Variants in PEG3 observed in about 807,000 individuals in gnomAD.
PEG3 encodes paternally expressed 3.
PEG3 carries 23 observed loss-of-function variants against 35.5 expected under a neutral mutation model. The ratio of observed to expected loss-of-function variants is 0.65; its 90% CI spans 0.47 to 0.92. The LOEUF is 0.92. Ranked by LOEUF, PEG3 falls within the 40% of genes least tolerant of loss-of-function variation. The pLI is 0.00. For synonymous variants in PEG3, 707 were observed against 697.0 expected (o/e 1.01, Z -0.23); for missense variants, 1,960 against 1,985.3 (o/e 0.99, Z 0.24).
At position 56,824,323 on chromosome 19, in the gene PEG3, C is replaced by T. The variant is rs372112008; in HGVS notation, c.333G>A (p.Pro111=). Residue 111 remains proline, a synonymous_variant, in exon 4 of 10, where the codon CCG becomes CCA. Transcript: ENST00000326441. The part of the protein sequence containing the change: ...KLKPWVRAKK[P]ENCEKLVTLL... ...GAGTGACGAGCTTCTCACAGTTCTC[C>T]GGCTTTTTTGCTCGCACCCAAGGCT... 8.6e-5 allele frequency: 138 copies of T among 1,613,928 alleles called. 1 individual carries two copies. Among genetic ancestry groups the T allele is most frequent in the East Asian group, 6.9e-4 (31 of 44,866 alleles).
At chr19:56,818,979 T>C (rs2060229975) in intron 7 of PEG3, among the ~76,000 whole-genome samples, 1 of 152,108 alleles carries the variant, frequency 6.6e-6, no homozygotes, top group Non-Finnish European at 1.5e-5. Context: ...ATGAAACAAT[T>C]AGAGAACAAT....
intron 7 of PEG3, among the ~76,000 whole-genome samples, chr19:56,821,248 C>T (rs1438020957): frequency 1.3e-5 from 2 of 152,248 alleles, no homozygotes; most frequent in Admixed American, 6.5e-5. Flanking sequence ...CAGAGCCAGG[C>T]TTTAAACCCA....
chr19:56,832,355 C>T (rs1279303862), intron 2 of PEG3, among the ~76,000 whole-genome samples: 1 of 152,080 alleles, frequency 6.6e-6, no homozygotes, highest in Non-Finnish European at 1.5e-5. Context: ...CCATCTGTAC[C>T]TCCCCTCTCC....
At chr19:56,823,770 G>T in intron 4 of PEG3, 91 bp from the exon 5 acceptor site, 2 of 1,426,726 alleles carry the variant, frequency 1.4e-6, no homozygotes, top group South Asian at 1.2e-5. Context: ...CCCTGTCACA[G>T]ACACACATGG....
At chr19:56,835,976 C>A (rs2062060531) in intron 2 of PEG3, 42 bp downstream of exon 2, 3 of 500,648 alleles carry the variant, frequency 6.0e-6, no homozygotes, top group South Asian at 2.9e-5. Flanking sequence ...GGTGGTCACT[C>A]CAAAGATGAA....
At chr19:56,832,809 C>T (rs2061699777) in intron 2 of PEG3, among the ~76,000 whole-genome samples, 2 of 152,198 alleles carry the variant, frequency 1.3e-5, no homozygotes, top group Non-Finnish European at 2.9e-5. Context: ...AAACATGAAA[C>T]CTCTCTGTAT....
rs1425112621 is a variant in PEG3, at chr19:56,811,440, C to A, written c.*2235G>T. On this transcript the variant is annotated 3_prime_UTR_variant, in exon 10 of 10. Coordinates refer to ENST00000326441, the MANE Select transcript of PEG3 (RefSeq NM_006210.3). ...CTGTAAATATATTTCCACGTTGCTA[C>A]ATAACTCGTGATTATCATTTTTAAA... 3.2e-6 allele frequency: 3 copies of A among 933,688 alleles called. No individual in the cohort carries two copies. The highest frequency in any genetic ancestry group is 3.8e-6 in the Non-Finnish European group (3 of 782,792). 57.8% of individuals were successfully genotyped at this position (933,688 alleles called of 1,614,324 possible).
chr19:56,812,013 C>G lies in PEG3; in HGVS notation c.*1662G>C. On this transcript the variant is annotated 3_prime_UTR_variant, in exon 10 of 10. Transcript: ENST00000326441. Reference sequence around the variant, plus strand: ...TGCATCTTTGACATACTTCCAAGCCCTAATCCTGCAGATCCAGAAGAGTAA... The same window carrying G: ...TGCATCTTTGACATACTTCCAAGCCGTAATCCTGCAGATCCAGAAGAGTAA... 1.0e-6 allele frequency: 1 copy of G among 985,086 alleles called. No homozygotes were observed. The highest frequency in any genetic ancestry group is 1.2e-6 in the Non-Finnish European group (1 of 829,648). 61.0% of individuals were successfully genotyped at this position (985,086 alleles called of 1,614,324 possible).
intron 2 of PEG3, among the ~76,000 whole-genome samples, chr19:56,830,633 T>G (rs1463368180): frequency 6.6e-6 from 1 of 152,232 alleles, no homozygotes; most frequent in Non-Finnish European, 1.5e-5. Context: ...GGGCAAGCAT[T>G]ATTTTGAACT....
chr19:56,819,308 C>G (rs961907401), intron 7 of PEG3, among the ~76,000 whole-genome samples: 5 of 152,186 alleles, frequency 3.3e-5, no homozygotes, highest in African/African-American at 1.2e-4. Context: ...TGCACAATTT[C>G]CAAATCACCC....
chr19:56,826,939 G>A (rs1393379006), intron 2 of PEG3, among the ~76,000 whole-genome samples: 2 of 152,068 alleles, frequency 1.3e-5, no homozygotes, highest in Non-Finnish European at 2.9e-5. Context: ...AAGTACCCTA[G>A]GTGAAAGCTA....
chr19:56,836,163 A>AG (rs1473505172), intron 1 of PEG3, 59 bp from the exon 2 acceptor site: 5 of 434,616 alleles, frequency 1.2e-5, no homozygotes, highest in South Asian at 3.3e-5. Context: ...TGGGTTCCTC[A>AG]GGGGGGAACA....
chr19:56,827,828 T>C (rs1017311295), intron 2 of PEG3, among the ~76,000 whole-genome samples: 3 of 152,178 alleles, frequency 2.0e-5, no homozygotes, highest in East Asian at 3.9e-4. Context: ...CAGCACTGTA[T>C]ACAGCATTCT....
chr19:56,838,089 G>A (rs758763797), intron 1 of PEG3, among the ~76,000 whole-genome samples: 17 of 152,328 alleles, frequency 1.1e-4, no homozygotes, highest in Non-Finnish European at 5.9e-5. Flanking sequence ...GCCACCTAAT[G>A]GCCAGCAAAG....
Position 56,815,504 on chromosome 19 carries a change from G to A in PEG3, c.2938C>T (p.His980Tyr), listed in dbSNP as rs768254699. 9.3e-6 allele frequency: 15 copies of A among 1,614,036 alleles called. No homozygotes were observed. The East Asian group carries it at 2.5e-4, about 26-fold the overall frequency. The stretch of plus-strand genomic sequence containing the variant: ...TGGTGCTCAGTGAGGTCAGAGCTAT[G>A]AGCAAAGCACTCCCCACACTCCTGA... ...ECQECGECFA[H>Y]SSDLTEHQKI... Residue 980 changes from histidine (H) to tyrosine (Y), a missense_variant, in exon 10 of 10, where the codon CAT becomes TAT. Coordinates refer to ENST00000326441, the MANE Select transcript of PEG3 (RefSeq NM_006210.3).
At position 56,817,976 on chromosome 19, in the gene PEG3, T is replaced by C. The variant is rs570696278; in HGVS notation, c.773-141A>G. On this transcript the variant is annotated intron_variant, in intron 8 of 9. Coordinates refer to ENST00000326441, the MANE Select transcript of PEG3 (RefSeq NM_006210.3). ...GATTCCTTGGATGTCAGAAGACATT[T>C]GCTGTCTCATTTCCCTACTATCTAT... 4 of 659,314 alleles carry C rather than the reference T, an allele frequency of 6.1e-6. No homozygotes were observed. In the African/African-American group the frequency reaches 7.2e-5, roughly 12 times the overall value. The allele number at this position is 659,314 out of a possible 1,614,324, so 40.8% of individuals were successfully genotyped here.
chr19:56,831,311 G>A (rs781129739), intron 2 of PEG3, among the ~76,000 whole-genome samples: 3 of 152,178 alleles, frequency 2.0e-5, no homozygotes, highest in African/African-American at 4.8e-5. Context: ...ATAAAGGACT[G>A]GAAATGGATT....
chr19:56,813,515 T>A lies in PEG3; in HGVS notation c.*160A>T. On this transcript the variant is annotated 3_prime_UTR_variant, in exon 10 of 10. Coordinates refer to ENST00000326441, the MANE Select transcript of PEG3 (RefSeq NM_006210.3). ...AGCTTAAGACTGTGGAATCTGCACATTCGGTCTCTTTTCAATCTGAGTTTA... is the reference window on the plus strand; with the variant it reads ...AGCTTAAGACTGTGGAATCTGCACAATCGGTCTCTTTTCAATCTGAGTTTA... 1 of 1,431,408 alleles carries A rather than the reference T, an allele frequency of 7.0e-7. No homozygotes were observed. The highest frequency in any genetic ancestry group is 9.2e-7 in the Non-Finnish European group (1 of 1,091,522). The allele number at this position is 1,431,408 out of a possible 1,614,324, so 88.7% of individuals were successfully genotyped here. A position where few individuals can be genotyped will look rare whatever the true frequency, so the allele number is the denominator to read the frequency against.
chr19:56,833,202 G>A (rs977431583), intron 2 of PEG3: 12 of 514,410 alleles, frequency 2.3e-5, no homozygotes, highest in East Asian at 5.5e-5. Flanking sequence ...AAAATCCACC[G>A]AGTCTCCTTC....
Sources: gnomAD v4.1 joint callset for allele counts (sites outside exome capture counted in the v4.1 genomes callset) on GRCh38, gnomAD v4.1.1 for gene constraint, MANE v1.5 for transcripts, NCBI Gene and HGNC (gene_info 2026-07-23, HGNC 2026-07-21) for gene names.